Variants in CNTNAP2 observed in about 807,000 individuals in gnomAD.
CNTNAP2 encodes the protein contactin-associated protein-like 2.
Under a neutral mutation model 155.2 loss-of-function variants are expected in CNTNAP2, and 98 were observed. That is an observed-to-expected ratio of 0.63 (90% CI 0.54 to 0.75). The LOEUF (loss-of-function observed/expected upper bound fraction) is 0.75, where lower values mean the gene tolerates loss of function less well. Among genes scored for constraint, CNTNAP2 ranks in the 30% least tolerant of loss-of-function variants. The pLI, the probability that CNTNAP2 is intolerant of heterozygous loss-of-function variation, is 0.00. For synonymous variants in CNTNAP2, 651 were observed against 631.2 expected (o/e 1.03, Z -0.47); for missense variants, 1,727 against 1,688.1 (o/e 1.02, Z -0.40).
At chr7:146,323,668 T>C (rs946683087) in intron 1 of CNTNAP2, among the ~76,000 whole-genome samples, 2 of 152,018 alleles carry the variant, frequency 1.3e-5, no homozygotes, top group Non-Finnish European at 2.9e-5. Flanking sequence ...GGAGAAGAGG[T>C]ATTGCTCTTC....
intron 10 of CNTNAP2, among the ~76,000 whole-genome samples, chr7:147,431,367 G>A (rs1306264309): frequency 6.6e-6 from 1 of 152,070 alleles, no homozygotes; most frequent in Admixed American, 6.5e-5. Flanking sequence ...TAGCTTCTGA[G>A]AAACTTTAAA....
At chr7:146,979,391 CCTT>C (rs1363489186) in intron 3 of CNTNAP2, among the ~76,000 whole-genome samples, 1 of 152,116 alleles carries the variant, frequency 6.6e-6, no homozygotes, top group Admixed American at 6.5e-5. Context: ...ATGGCTGGCT[CCTT>C]CTTATTATCC....
At chr7:147,796,683 A>G (rs1449047683) in intron 13 of CNTNAP2, among the ~76,000 whole-genome samples, 2 of 152,184 alleles carry the variant, frequency 1.3e-5, no homozygotes, top group Non-Finnish European at 2.9e-5. Context: ...ACAGATGACA[A>G]AAAAACAAGG....
intron 13 of CNTNAP2, among the ~76,000 whole-genome samples, chr7:147,827,045 C>T (rs1404277715): frequency 6.6e-6 from 1 of 151,668 alleles, no homozygotes. Context: ...ATTCTCCAAC[C>T]TCAGCCTCCT....
intron 14 of CNTNAP2, among the ~76,000 whole-genome samples, chr7:147,976,645 T>C (rs1801431185): frequency 6.6e-6 from 1 of 152,102 alleles, no homozygotes; most frequent in African/African-American, 2.4e-5. Flanking sequence ...TTTCTATGGG[T>C]CCTGACACAT....
At chr7:146,380,235 A>G (rs753856587) in intron 1 of CNTNAP2, among the ~76,000 whole-genome samples, 3 of 152,240 alleles carry the variant, frequency 2.0e-5, no homozygotes, top group African/African-American at 7.2e-5. Flanking sequence ...GCCCATAGCT[A>G]CCATGAAAGG....
At chr7:147,026,973 T>C (rs372139702) in intron 3 of CNTNAP2, among the ~76,000 whole-genome samples, 9 of 134,286 alleles carry the variant, frequency 6.7e-5, no homozygotes, top group African/African-American at 2.2e-4. Flanking sequence ...ACCTGATTAC[T>C]CCAGGAGGAA....
At chr7:146,755,216 G>A (rs542340163) in intron 1 of CNTNAP2, among the ~76,000 whole-genome samples, 1 of 152,084 alleles carries the variant, frequency 6.6e-6, no homozygotes, top group East Asian at 1.9e-4. Flanking sequence ...TAGCATTGGT[G>A]TTGTCGGTTA....
chr7:147,312,954 C>G (rs1315106638), intron 9 of CNTNAP2, among the ~76,000 whole-genome samples: 1 of 138,032 alleles, frequency 7.2e-6, no homozygotes, highest in Non-Finnish European at 1.5e-5. Flanking sequence ...GATCGCCATT[C>G]TAACTGGTGT....
At chr7:146,343,745 G>A (rs1794771057) in intron 1 of CNTNAP2, among the ~76,000 whole-genome samples, 1 of 152,026 alleles carries the variant, frequency 6.6e-6, no homozygotes, top group Non-Finnish European at 1.5e-5. Flanking sequence ...TATTTCATTT[G>A]TTGCATTGTT....
intron 1 of CNTNAP2, among the ~76,000 whole-genome samples, chr7:146,144,431 T>C (rs540434425): frequency 1.3e-5 from 2 of 152,294 alleles, no homozygotes; most frequent in Non-Finnish European, 1.5e-5. Flanking sequence ...GGATTATAGA[T>C]GTGAGCTACT....
At chr7:148,170,483 A>C (rs1805766618) in intron 17 of CNTNAP2, among the ~76,000 whole-genome samples, 1 of 152,240 alleles carries the variant, frequency 6.6e-6, no homozygotes, top group African/African-American at 2.4e-5. Flanking sequence ...CCAGTTGACA[A>C]ACAGATGGCA....
intron 1 of CNTNAP2, among the ~76,000 whole-genome samples, chr7:146,137,344 A>G (rs1280636437): frequency 3.3e-5 from 5 of 152,182 alleles, no homozygotes; most frequent in African/African-American, 1.2e-4. Flanking sequence ...AGAAGTTAAT[A>G]TATTATTGAA....
At chr7:147,002,944 C>CAAAAAAAAAAAAAAAAAAA (rs773401142) in intron 3 of CNTNAP2, among the ~76,000 whole-genome samples, 1 of 52,942 alleles carries the variant, frequency 1.9e-5, no homozygotes, top group Non-Finnish European at 3.9e-5. Context: ...ATGTTCCTTC[C>CAAAAAAAAAAAAAAAAAAA]AAAAAAAAAA....
intron 1 of CNTNAP2, among the ~76,000 whole-genome samples, chr7:146,656,788 TAATC>T (rs1316476954): frequency 6.6e-6 from 1 of 152,218 alleles, no homozygotes; most frequent in African/African-American, 2.4e-5. Flanking sequence ...ATAAACACCT[TAATC>T]AATTAATATT....
At chr7:146,274,497 G>A (rs894113346) in intron 1 of CNTNAP2, among the ~76,000 whole-genome samples, 3 of 152,082 alleles carry the variant, frequency 2.0e-5, no homozygotes, top group Non-Finnish European at 4.4e-5. Flanking sequence ...TAGCTACCCC[G>A]GGGCAGTTTT....
At chr7:147,614,730 T>A (rs1801249080) in intron 12 of CNTNAP2, among the ~76,000 whole-genome samples, 1 of 151,978 alleles carries the variant, frequency 6.6e-6, no homozygotes, top group African/African-American at 2.4e-5. Flanking sequence ...ATTCTAATAT[T>A]TTGTGACTAA....
At chr7:148,369,314 C>G (rs1434175914) in intron 21 of CNTNAP2, among the ~76,000 whole-genome samples, 1 of 150,622 alleles carries the variant, frequency 6.6e-6, no homozygotes, top group African/African-American at 2.5e-5. Flanking sequence ...TTCTCATGCC[C>G]CAACCTCCCA....
At chr7:146,466,602 ATATT>A (rs142005822) in intron 1 of CNTNAP2, among the ~76,000 whole-genome samples, 3,234 of 152,182 alleles carry the variant, frequency 0.021, 71 homozygotes, top group African/African-American at 0.052. Context: ...TTCCCCAACA[ATATT>A]TATTCTAGAT....
Sources: gnomAD v4.1 joint callset for allele counts (sites outside exome capture counted in the v4.1 genomes callset) on GRCh38, gnomAD v4.1.1 for gene constraint, MANE v1.5 for transcripts, NCBI Gene and HGNC (gene_info 2026-07-23, HGNC 2026-07-21) for gene names.